Variants in TIAM2 observed in about 807,000 individuals in gnomAD.
The protein encoded by TIAM2 is rho guanine nucleotide exchange factor TIAM2.
TIAM2 carries 80 observed loss-of-function variants against 152.9 expected under a neutral mutation model. That is an observed-to-expected ratio of 0.52 (90% CI 0.44 to 0.63). The LOEUF is 0.63. Among genes scored for constraint, TIAM2 ranks in the 30% least tolerant of loss-of-function variants. TIAM2 has a pLI of 0.00. For synonymous variants in TIAM2, 804 were observed against 838.0 expected, an observed-to-expected ratio of 0.96 and a Z score of 0.70; for missense variants, 1,965 against 2,120.1, an observed-to-expected ratio of 0.93 and a Z score of 1.44.
At chr6:155,141,859 T>C (rs979223404) in intron 5 of TIAM2, among the ~76,000 whole-genome samples, 12 of 152,268 alleles carry the variant, frequency 7.9e-5, no homozygotes, top group Non-Finnish European at 1.6e-4. Context: ...AAACCAAGAC[T>C]AATTGCCCTC....
At chr6:155,027,422 A>G (rs1776631085) in intron 1 of TIAM2, among the ~76,000 whole-genome samples, 1 of 109,018 alleles carries the variant, frequency 9.2e-6, no homozygotes, top group African/African-American at 3.9e-5. Context: ...ATACTGTGTT[A>G]CATATATACT....
chr6:155,029,318 A>AATATATATATATATATTATATATAAT (rs1776738867), intron 1 of TIAM2, among the ~76,000 whole-genome samples: 1 of 120,038 alleles, frequency 8.3e-6, no homozygotes, highest in Non-Finnish European at 1.6e-5. Context: ...TGTTATATAT[A>AATATATATATATATATTATATATAAT]CTATATGTAC....
intron 2 of TIAM2, among the ~76,000 whole-genome samples, chr6:155,101,948 T>A (rs548246646): frequency 2.6e-5 from 4 of 152,014 alleles, no homozygotes; most frequent in Non-Finnish European, 5.9e-5. Context: ...ATGATCTGCC[T>A]GCCTTGGCCT....
At chr6:155,013,398 G>A (rs1461046055) in intron 1 of TIAM2, among the ~76,000 whole-genome samples, 1 of 152,162 alleles carries the variant, frequency 6.6e-6, no homozygotes, top group African/African-American at 2.4e-5. Flanking sequence ...GCTGGGAGAG[G>A]TGAGGAACTC....
intron 1 of TIAM2, among the ~76,000 whole-genome samples, chr6:155,087,890 A>AAATGTT (rs1778208424): frequency 6.6e-6 from 1 of 152,158 alleles, no homozygotes. Context: ...AAATCTCTGA[A>AAATGTT]CTAATTATGT....
chr6:155,109,758 G>C (rs1472770121), intron 2 of TIAM2, among the ~76,000 whole-genome samples: 1 of 152,116 alleles, frequency 6.6e-6, no homozygotes, highest in Non-Finnish European at 1.5e-5. Context: ...GAAGCGACTT[G>C]TCCGAAGCCA....
chr6:155,070,383 AT>A (rs1363191311), intron 1 of TIAM2, among the ~76,000 whole-genome samples: 19 of 150,456 alleles, frequency 1.3e-4, no homozygotes, highest in Admixed American at 2.7e-4. Flanking sequence ...TTACTGGCTA[AT>A]TTTTGTATTT....
At chr6:155,072,625 G>T (rs796229577) in intron 1 of TIAM2, among the ~76,000 whole-genome samples, 1 of 152,110 alleles carries the variant, frequency 6.6e-6, no homozygotes, top group South Asian at 2.1e-4. Flanking sequence ...ATTTTTTGAG[G>T]TGGTACATCT....
At chr6:155,071,123 T>C (rs2114953644) in intron 1 of TIAM2, among the ~76,000 whole-genome samples, 1 of 152,124 alleles carries the variant, frequency 6.6e-6, no homozygotes. Context: ...CAGTGAGCCA[T>C]GATCACACCA....
At chr6:155,015,284 A>G (rs1484556885) in intron 1 of TIAM2, among the ~76,000 whole-genome samples, 1 of 152,142 alleles carries the variant, frequency 6.6e-6, no homozygotes, top group African/African-American at 2.4e-5. Flanking sequence ...GGAAGATTAC[A>G]TTTGGGTCAA....
chr6:155,146,997 TGGGATTACA>T (rs998530735), intron 6 of TIAM2, among the ~76,000 whole-genome samples: 19 of 152,162 alleles, frequency 1.2e-4, no homozygotes, highest in African/African-American at 4.3e-4. Flanking sequence ...TCAAAAGTCC[TGGGATTACA>T]GGCATGAGCC....
rs985123488 is a variant in TIAM2, at chr6:155,031,579, C to G, written c.-209+36087C>G. Among the ~76,000 whole-genome samples, 92 of 152,152 alleles carry G rather than the reference C, an allele frequency of 6.0e-4. 2 individuals carry two copies. The highest frequency in any genetic ancestry group is 2.2e-3 in the African/African-American group (91 of 41,516). On this transcript the variant is annotated intron_variant, in intron 1 of 26. Transcript: ENST00000682666. ...CTCTACAAAAAACACAAAAAATTAG[C>G]TGGGTGTGGTGGCACGCACCTATAG...
chr6:155,069,371 G>A (rs1777782661), intron 1 of TIAM2, among the ~76,000 whole-genome samples: 1 of 152,150 alleles, frequency 6.6e-6, no homozygotes, highest in African/African-American at 2.4e-5. Context: ...TGAGATTACA[G>A]GGGTAAGCAA....
rs143446747 is a variant in TIAM2 at position 155,026,971 on chromosome 6, T to C, written c.-209+31479T>C. On this transcript the variant is annotated intron_variant, in intron 1 of 26. Coordinates refer to ENST00000682666, the MANE Select transcript of TIAM2 (RefSeq NM_012454.4). ...AATGCCACCTTTATGATATTCTGCA[T>C]GTCCATATAATTTGTGTCTATTTCT... Among the ~76,000 whole-genome samples the C allele has an allele frequency of 6.6e-5, 10 of 152,330 alleles. 2 individuals are homozygous for C. The highest frequency in any genetic ancestry group is 1.7e-4 in the African/African-American group (7 of 41,576).
intron 7 of TIAM2, among the ~76,000 whole-genome samples, chr6:155,153,197 G>T (rs1780015816): frequency 1.3e-5 from 2 of 151,704 alleles, no homozygotes; most frequent in Admixed American, 6.6e-5. Flanking sequence ...ACCCCTTCCT[G>T]TGTCCTCCCC....
At position 155,183,323 on chromosome 6, in the gene TIAM2, G is replaced by A. The variant is rs536385708; in HGVS notation, c.2887G>A (p.Glu963Lys). ...DLKQMEALFS[E>K]KSVGLTLIAR... ...TAAGCAGATGGAGGCCCTGTTTTCTGAGAAGAGCGTCGGACTCACTCTGAT... is the reference window on the plus strand; with the variant it reads ...TAAGCAGATGGAGGCCCTGTTTTCTAAGAAGAGCGTCGGACTCACTCTGAT... The change falls in exon 14 of 27, where the codon GAG becomes AAG. Residue 963 changes from glutamate to lysine, a missense_variant. By Grantham distance (56) the Glu-to-Lys change is moderately conservative (BLOSUM62 1). Around this residue, in one of 3 missense-constraint regions of TIAM2, gnomAD observed 935 missense variants for 980.0 expected, o/e 0.95. Coordinates refer to ENST00000682666, the MANE Select transcript of TIAM2 (RefSeq NM_012454.4). The A allele has an allele frequency of 3.2e-5, 52 of 1,614,166 alleles. No homozygotes were observed. The South Asian group carries it at 4.8e-4, about 15-fold the overall frequency.
chr6:155,111,344 G>A (rs537226731), intron 2 of TIAM2, among the ~76,000 whole-genome samples: 5 of 144,346 alleles, frequency 3.5e-5, no homozygotes, highest in South Asian at 4.3e-4. Flanking sequence ...CACACTCTCC[G>A]TTGAAAATTG....
chr6:155,113,029 A>G (rs1778895669), intron 2 of TIAM2, among the ~76,000 whole-genome samples: 1 of 152,010 alleles, frequency 6.6e-6, no homozygotes, highest in Admixed American at 6.6e-5. Context: ...GATCCTTTTA[A>G]AATGTCCCAT....
At position 155,093,608 on chromosome 6, in the gene TIAM2, A is replaced by G. The variant is rs1458230725; in HGVS notation, c.-118+3229A>G. Among the ~76,000 whole-genome samples the G allele has an allele frequency of 1.3e-5, 2 of 152,146 alleles. 1 individual carries two copies. Among genetic ancestry groups the G allele is most frequent in the Non-Finnish European group, 2.9e-5 (2 of 68,012 alleles). On this transcript the variant is annotated intron_variant, in intron 2 of 26. Transcript: ENST00000682666. The stretch of plus-strand genomic sequence containing the variant: ...CCACTTTGGGTTTCACGTGAGGAAG[A>G]CTTTCCTATAGAGCTGTGGAAAGAT...
Sources: gnomAD v4.1 joint callset for allele counts (sites outside exome capture counted in the v4.1 genomes callset) on GRCh38, gnomAD v4.1.1 for gene constraint, gnomAD v4.1.1 regional missense constraint, MANE v1.5 for transcripts, NCBI Gene and HGNC (gene_info 2026-07-23, HGNC 2026-07-21) for gene names.